The following LPIN2 variants were observed in gnomAD, a reference collection of about 807,000 sequenced individuals.
The protein encoded by LPIN2 is phosphatidate phosphatase LPIN2.
A neutral mutation model predicts 111.4 loss-of-function variants in LPIN2; 55 were observed. The observed-to-expected ratio is 0.49, with a 90% CI of 0.40 to 0.62. LPIN2 has a LOEUF of 0.62. Among genes scored for constraint, LPIN2 ranks in the 20% least tolerant of loss-of-function variants. The pLI, the probability that LPIN2 is intolerant of heterozygous loss-of-function variation, is 0.00. For synonymous variants in LPIN2, 425 were observed against 414.0 expected (o/e 1.03, Z -0.32); for missense variants, 992 against 1,112.1 (o/e 0.89, Z 1.54).
At chr18:2,945,676 G>A (rs1467033202) in intron 4 of LPIN2, 4 of 1,403,598 alleles carry the variant, frequency 2.8e-6, no homozygotes, top group East Asian at 2.3e-5. Context: ...TAATAACTTC[G>A]CTTTACATCA....
At chr18:2,939,411 T>A in intron 6 of LPIN2, 69 bp downstream of exon 6, 1 of 1,595,612 alleles carries the variant, frequency 6.3e-7, no homozygotes, top group Non-Finnish European at 8.6e-7. Flanking sequence ...CTCCTTTACT[T>A]ATGGGCAGAG....
At chr18:2,931,536 A>C in intron 8 of LPIN2, 93 bp from the exon 9 acceptor site, 1 of 1,237,420 alleles carries the variant, frequency 8.1e-7, no homozygotes, top group Non-Finnish European at 1.1e-6. Flanking sequence ...AAACCAAATA[A>C]CACATCCGCT....
At chr18:2,936,349 T>C (rs536829935) in intron 7 of LPIN2, among the ~76,000 whole-genome samples, 36 of 152,336 alleles carry the variant, frequency 2.4e-4, no homozygotes, top group Middle Eastern at 3.4e-3. Context: ...GTACCAAGTA[T>C]CGATGGTTGG....
chr18:2,951,573 A>G (rs186720284), intron 3 of LPIN2, among the ~76,000 whole-genome samples: 2 of 152,324 alleles, frequency 1.3e-5, no homozygotes, highest in Admixed American at 6.5e-5. Flanking sequence ...ACTTGGGTAC[A>G]TGTAACTGAG....
At chr18:2,960,597 C>A in intron 2 of LPIN2, 52 bp downstream of exon 2, 1 of 1,572,158 alleles carries the variant, frequency 6.4e-7, no homozygotes, top group Non-Finnish European at 8.7e-7. Flanking sequence ...GACACTCACT[C>A]ACTTTCTCTT....
intron 1 of LPIN2, among the ~76,000 whole-genome samples, chr18:3,001,607 G>A (rs550697391): frequency 9.4e-5 from 14 of 149,284 alleles, no homozygotes; most frequent in African/African-American, 2.9e-4. Flanking sequence ...AATAGAGAAG[G>A]TCTAAAATGA....
At chr18:3,007,210 G>T (rs913773463) in intron 1 of LPIN2, among the ~76,000 whole-genome samples, 1 of 151,612 alleles carries the variant, frequency 6.6e-6, no homozygotes, top group Non-Finnish European at 1.5e-5. Context: ...TTGCTCTGTC[G>T]CCCAGGGCTG....
rs140713968 is a variant in LPIN2, at chr18:2,943,580, G to C, written c.591-2868C>G. 8.7e-3 allele frequency among the ~76,000 whole-genome samples: 1,327 copies of C among 152,216 alleles called. 28 individuals carry two copies. The highest frequency in any genetic ancestry group is 0.03 in the African/African-American group (1,238 of 41,530). On this transcript the variant is annotated intron_variant, in intron 4 of 19. Transcript: ENST00000677752. ...GTTTAGGGGAAGACAGCCTCAGAAA[G>C]AAGTATTAACAAAAAGGCATATTAA... is the stretch of plus-strand genomic sequence containing the variant.
chr18:2,948,812 T>A (rs565112281), intron 4 of LPIN2, among the ~76,000 whole-genome samples: 1 of 151,522 alleles, frequency 6.6e-6, no homozygotes. Context: ...AAATTGTTTA[T>A]AATTTTTTTT....
chr18:2,921,697 C>G (rs1284584648), intron 17 of LPIN2, 50 bp from the exon 18 acceptor site: 2 of 1,328,046 alleles, frequency 1.5e-6, no homozygotes, highest in South Asian at 2.4e-5. Context: ...GGTCGTTTTC[C>G]CCAGTGAGTG....
At position 2,937,361 on chromosome 18, in the gene LPIN2, T is replaced by C. The variant is rs149731727; in HGVS notation, c.1168+331A>G. Among the ~76,000 whole-genome samples the C allele has an allele frequency of 0.022, 3,323 of 151,916 alleles. 132 individuals carry two copies. The highest frequency in any genetic ancestry group is 0.077 in the African/African-American group (3,178 of 41,410). On this transcript the variant is annotated intron_variant, in intron 7 of 19. Coordinates refer to ENST00000677752, the MANE Select transcript of LPIN2 (RefSeq NM_001375808.2). ...GAGTTTGAGACCAGCCTGGCCAACA[T>C]GGTGAAATGCCATCTCTATTAAAAA...
intron 9 of LPIN2, among the ~76,000 whole-genome samples, chr18:2,930,282 A>G (rs1460551629): frequency 1.3e-5 from 2 of 152,246 alleles, no homozygotes; most frequent in Non-Finnish European, 2.9e-5. Flanking sequence ...CCTCGCATAT[A>G]ATTTTTTAAA....
In LPIN2 at chr18:2,975,271, G is replaced by A. The variant is rs183039529; in HGVS notation, c.-9-14422C>T. Among the ~76,000 whole-genome samples the A allele has an allele frequency of 3.5e-3, 537 of 152,280 alleles. 1 individual carries two copies. The highest frequency in any genetic ancestry group is 5.8e-3 in the Admixed American group (89 of 15,298). On this transcript the variant is annotated intron_variant, in intron 1 of 19. Coordinates refer to ENST00000677752, the MANE Select transcript of LPIN2 (RefSeq NM_001375808.2). ...GGAATTTTCAGGCTATGTGTGGGTA[G>A]GAATTTCATAAAGGCTTTTAGAAGG...
At chr18:2,978,119 G>A (rs920592219) in intron 1 of LPIN2, among the ~76,000 whole-genome samples, 4 of 151,990 alleles carry the variant, frequency 2.6e-5, no homozygotes, top group Admixed American at 6.6e-5. Context: ...GTCAGGAGGC[G>A]GAGGCTGAAG....
chr18:3,011,657 A>T (rs1466900470), intron 1 of LPIN2: 1 of 152,314 alleles, frequency 6.6e-6, no homozygotes, highest in Non-Finnish European at 1.5e-5. Context: ...ACTACACTCC[A>T]GCCTGGGCGA....
At chr18:3,004,380 T>C (rs1485128846) in intron 1 of LPIN2, among the ~76,000 whole-genome samples, 1 of 152,194 alleles carries the variant, frequency 6.6e-6, no homozygotes, top group African/African-American at 2.4e-5. Flanking sequence ...GGCCCAGCTG[T>C]GAAATTCCTC....
chr18:2,995,334 T>C (rs865857812), intron 1 of LPIN2, among the ~76,000 whole-genome samples: 3 of 152,320 alleles, frequency 2.0e-5, no homozygotes, highest in East Asian at 1.9e-4. Context: ...ATCAGCTCTT[T>C]GCATGTTTTA....
intron 1 of LPIN2, chr18:2,972,314 A>G (rs2077932570): frequency 6.6e-6 from 1 of 152,258 alleles, no homozygotes; most frequent in Non-Finnish European, 1.5e-5. Context: ...GCAGCGCAGC[A>G]GCAACTCGCG....
chr18:2,978,295 A>G (rs948231583), intron 1 of LPIN2, among the ~76,000 whole-genome samples: 10 of 152,246 alleles, frequency 6.6e-5, no homozygotes, highest in African/African-American at 2.4e-4. Context: ...ACAAAAGGAA[A>G]AAATTTTAAC....
Sources: allele counts gnomAD v4.1 joint callset (sites outside exome capture counted in the v4.1 genomes callset), GRCh38; gene constraint gnomAD v4.1.1; transcripts MANE v1.5; gene names NCBI Gene and HGNC (gene_info 2026-07-23, HGNC 2026-07-21).